DMD: variants seen among roughly 807,000 people sequenced by gnomAD.
The protein encoded by DMD is mutant dystrophin.
In DMD, 63 loss-of-function variants were observed where a neutral mutation model predicts 330.1. The observed-to-expected ratio is 0.19, with a 90% CI of 0.16 to 0.24. DMD has a LOEUF of 0.24. Ranked by LOEUF, DMD falls within the 10% of genes least tolerant of loss-of-function variation. The probability of loss-of-function intolerance (pLI) is 1.00; values close to 1 mark genes in which losing one functional copy is unlikely to be tolerated. For synonymous variants in DMD, 1,223 were observed against 959.8 expected (o/e 1.27, Z -5.07); for missense variants, 3,344 against 2,684.1 (o/e 1.25, Z -5.43).
At chrX:31,352,861 A>C (rs1156530424) in intron 60 of DMD, among the ~76,000 whole-genome samples, 1 of 111,992 alleles carries the variant, frequency 8.9e-6, no homozygotes, top group Non-Finnish European at 1.9e-5. Context: ...AAAGCACTTT[A>C]TTCTTTGAGC....
chrX:31,800,481 C>A (rs1361715760), intron 50 of DMD, among the ~76,000 whole-genome samples: 1 of 111,884 alleles, frequency 8.9e-6, no homozygotes, highest in African/African-American at 3.3e-5. Flanking sequence ...CGGCCCTGTG[C>A]CTGGCCCGTG....
chrX:32,634,964 G>A (rs1041417393), intron 11 of DMD, among the ~76,000 whole-genome samples: 1 of 111,773 alleles, frequency 8.9e-6, no homozygotes, highest in Admixed American at 9.5e-5. Context: ...AGTTTATTTA[G>A]AACCACAGAG....
chrX:31,725,172 C>G (rs2085924855), intron 52 of DMD, among the ~76,000 whole-genome samples: 1 of 111,115 alleles, frequency 9.0e-6, no homozygotes, highest in Non-Finnish European at 1.9e-5. Context: ...TTCCTAAGAC[C>G]CTAGACAAGT....
In DMD at chrX:32,645,076, G is replaced by A; in HGVS notation, c.1037C>T (p.Thr346Ile). The A allele has an allele frequency of 2.5e-6, 3 of 1,211,565 alleles. No homozygotes were observed. Among genetic ancestry groups the A allele is most frequent in the Non-Finnish European group, 2.2e-6 (2 of 895,456 alleles). ...ESEVNLDRYQ[T>I]ALEEVLSWLL... ...CCACGATAATACTTCTTCTAAAGCT[G>A]TTTGATAACGGTCCAGGTTTACTTC... Residue 346 changes from threonine (T) to isoleucine (I), a missense_variant, in exon 10 of 79, where the codon ACA (threonine) becomes ATA (isoleucine). Coordinates refer to ENST00000357033, the MANE Select transcript of DMD (RefSeq NM_004006.3).
chrX:32,422,605 T>C (rs1389414661), intron 29 of DMD, among the ~76,000 whole-genome samples: 13 of 111,640 alleles, frequency 1.2e-4, no homozygotes, highest in Admixed American at 1.1e-3. Context: ...AAGGAAATTC[T>C]CCAATTTTCT....
At position 32,870,985 on chromosome X, in the gene DMD, AAAAC is replaced by A. The variant is rs1417793095; in HGVS notation, c.94-21169_94-21166del. Among the ~76,000 whole-genome samples, 330 of 47,896 alleles carry A rather than the reference AAAAC, an allele frequency of 6.9e-3. 19 individuals are homozygous for A. Among genetic ancestry groups the A allele is most frequent in the Admixed American group, 0.05 (191 of 3,818 alleles). The allele number at this position is 47,896 out of a possible 115,157, so 41.6% of individuals were successfully genotyped here. A position where few individuals can be genotyped will look rare whatever the true frequency, so the allele number is the denominator to read the frequency against. On this transcript the variant is annotated intron_variant, in intron 2 of 78. Transcript: ENST00000357033. ...AAAAAAAAAAAAAAAAAAAAAAAAA[AAAAC>A]CACAAAACCCATCATCAGAATGAAC...
intron 41 of DMD, among the ~76,000 whole-genome samples, chrX:32,337,629 CATT>C (rs1280859233): frequency 9.1e-6 from 1 of 110,130 alleles, no homozygotes; most frequent in Non-Finnish European, 1.9e-5. Flanking sequence ...ACATAGAACA[CATT>C]ATGCACAAGC....
chrX:32,542,828 A>G (rs2048610032), intron 17 of DMD, among the ~76,000 whole-genome samples: 1 of 112,148 alleles, frequency 8.9e-6, no homozygotes, highest in Non-Finnish European at 1.9e-5. Context: ...AGTGTCGTAT[A>G]TAGCGTGTTC....
intron 44 of DMD, among the ~76,000 whole-genome samples, chrX:32,173,373 TATG>T (rs1276992246): frequency 1.8e-5 from 2 of 110,016 alleles, no homozygotes; most frequent in African/African-American, 3.3e-5. Flanking sequence ...AAATTATTAT[TATG>T]ATTATGATTA....
chrX:31,262,904 C>T (rs140600830), intron 62 of DMD, among the ~76,000 whole-genome samples: 9 of 112,585 alleles, frequency 8.0e-5, no homozygotes, highest in South Asian at 7.4e-4. Context: ...ATACCAATTC[C>T]ATATATAAGT....
rs143663082 is a variant in DMD at position 31,637,585 on chromosome X, C to T, written c.8028-9723G>A. Among the ~76,000 whole-genome samples, 228 of 110,745 alleles carry T rather than the reference C, an allele frequency of 2.1e-3. 3 individuals are homozygous for T. Among genetic ancestry groups the T allele is most frequent in the African/African-American group, 6.9e-3 (212 of 30,591 alleles). ...TGTAAATTATTTGAGGGCAAAGATT[C>T]ACACCACAGTTCCTGGCAATTTAAT... On this transcript the variant is annotated intron_variant, in intron 54 of 78. Transcript: ENST00000357033.
intron 13 of DMD, among the ~76,000 whole-genome samples, chrX:32,586,229 A>G (rs1385664968): frequency 1.8e-5 from 2 of 110,766 alleles, no homozygotes; most frequent in East Asian, 5.6e-4. Flanking sequence ...AAATAGCCAA[A>G]GGTGTATAGC....
At chrX:32,886,190 T>C (rs1330080087) in intron 2 of DMD, among the ~76,000 whole-genome samples, 1 of 110,672 alleles carries the variant, frequency 9.0e-6, no homozygotes, top group Non-Finnish European at 1.9e-5. Context: ...AATGTTAGCT[T>C]CAAAATTTAA....
At chrX:32,147,877 C>CTTTTT (rs779461772) in intron 44 of DMD, among the ~76,000 whole-genome samples, 1 of 87,972 alleles carries the variant, frequency 1.1e-5, no homozygotes, top group Non-Finnish European at 2.2e-5. Flanking sequence ...AAAATTTCTT[C>CTTTTT]TTTTTTTTTT....
intron 59 of DMD, 120 bp downstream of exon 59, chrX:31,477,986 T>G (rs1443121968): frequency 7.5e-6 from 6 of 803,971 alleles, no homozygotes; most frequent in Non-Finnish European, 8.9e-6. Flanking sequence ...ACTGAATTTG[T>G]GAAAGACGGA....
chrX:32,559,201 C>A (rs1476337841), intron 16 of DMD, among the ~76,000 whole-genome samples: 2 of 109,642 alleles, frequency 1.8e-5, no homozygotes, highest in South Asian at 3.9e-4. Context: ...GATTTGCCTG[C>A]CTTGTCCTCC....
intron 8 of DMD, among the ~76,000 whole-genome samples, 166 bp downstream of exon 8, chrX:32,698,946 A>G (rs1254016902): frequency 1.7e-5 from 1 of 59,331 alleles, no homozygotes; most frequent in African/African-American, 6.5e-5. Flanking sequence ...ATGAAGCAAA[A>G]TTGAAAAGGT....
intron 17 of DMD, among the ~76,000 whole-genome samples, chrX:32,520,276 T>A (rs1249918669): frequency 8.9e-6 from 1 of 112,213 alleles, no homozygotes; most frequent in Non-Finnish European, 1.9e-5. Flanking sequence ...TCTTTCACAC[T>A]CTCTTCAGCG....
intron 48 of DMD, among the ~76,000 whole-genome samples, chrX:31,865,455 A>C (rs2093781181): frequency 8.9e-6 from 1 of 112,202 alleles, no homozygotes; most frequent in Admixed American, 9.4e-5. Flanking sequence ...CACCACTTTT[A>C]AAAAATTTTT....
Sources: allele counts gnomAD v4.1 joint callset (sites outside exome capture counted in the v4.1 genomes callset), GRCh38; gene constraint gnomAD v4.1.1; transcripts MANE v1.5; gene names NCBI Gene and HGNC (gene_info 2026-07-23, HGNC 2026-07-21).